Variants in DPP10 observed in about 807,000 individuals in gnomAD.
DPP10 encodes the protein dipeptidyl peptidase like 10.
Under a neutral mutation model 120.9 loss-of-function variants are expected in DPP10, and 33 were observed. The ratio of observed to expected loss-of-function variants is 0.27; its 90% confidence interval spans 0.21 to 0.37. The LOEUF (loss-of-function observed/expected upper bound fraction) is 0.37. Ranked by LOEUF, DPP10 falls within the 10% of genes least tolerant of loss-of-function variation. DPP10 has a pLI of 1.00. For missense variants in DPP10, 816 were observed against 942.8 expected, an observed-to-expected ratio of 0.87 and a Z score of 1.76; for synonymous variants, 337 against 326.1, an observed-to-expected ratio of 1.03 and a Z score of -0.36.
chr2:115,208,935 C>T (rs1033178814), intron 1 of DPP10, among the ~76,000 whole-genome samples: 2 of 152,124 alleles, frequency 1.3e-5, no homozygotes, highest in African/African-American at 2.4e-5. Context: ...TTGGCTCTGA[C>T]GTGCTTACTC....
chr2:115,174,141 A>G (rs2053547132), intron 1 of DPP10, among the ~76,000 whole-genome samples: 1 of 152,190 alleles, frequency 6.6e-6, no homozygotes. Context: ...AATAAGGTTA[A>G]CTATCATGGT....
chr2:114,724,519 T>G (rs949222413), intron 1 of DPP10, among the ~76,000 whole-genome samples: 20 of 152,164 alleles, frequency 1.3e-4, no homozygotes, highest in Non-Finnish European at 1.5e-5. Flanking sequence ...TATTACACAA[T>G]AGACTCATAC....
chr2:115,737,728 C>T (rs991471999), intron 8 of DPP10, among the ~76,000 whole-genome samples: 1 of 152,106 alleles, frequency 6.6e-6, no homozygotes, highest in African/African-American at 2.4e-5. Context: ...TATGTCAATG[C>T]GGCTTGTGTT....
Position 115,522,740 on chromosome 2 carries a change from CAT to C in DPP10, c.367-3157_367-3156del, listed in dbSNP as rs552498646. On this transcript the variant is annotated intron_variant, in intron 4 of 25. Coordinates refer to ENST00000410059, the MANE Select transcript of DPP10 (RefSeq NM_020868.6). ...CATTGCTGAGTAATGGCAATGAACA[CAT>C]GTGGAAATTACTTTTGCATCCTTTC... Among the ~76,000 whole-genome samples the C allele has an allele frequency of 2.1e-3, 323 of 152,162 alleles. 1 individual carries two copies. Among genetic ancestry groups the C allele is most frequent in the African/African-American group, 7.0e-3 (289 of 41,506 alleles).
At chr2:114,714,289 T>C (rs1016212246) in intron 1 of DPP10, among the ~76,000 whole-genome samples, 50 of 152,190 alleles carry the variant, frequency 3.3e-4, no homozygotes, top group African/African-American at 1.1e-3. Context: ...AAAAATAATC[T>C]GCTTCCCAAA....
chr2:114,924,216 C>T (rs771382057), intron 1 of DPP10, among the ~76,000 whole-genome samples: 8 of 152,164 alleles, frequency 5.3e-5, no homozygotes, highest in Admixed American at 2.6e-4. Context: ...TCCTACTATT[C>T]GGTTGAGATC....
chr2:115,296,051 A>C (rs939064627), intron 1 of DPP10, among the ~76,000 whole-genome samples: 1 of 152,076 alleles, frequency 6.6e-6, no homozygotes, highest in South Asian at 2.1e-4. Context: ...AGAAAGCAAA[A>C]TATTTATCTA....
intron 1 of DPP10, among the ~76,000 whole-genome samples, chr2:115,233,442 C>G (rs1559285553): frequency 6.6e-6 from 1 of 152,094 alleles, no homozygotes; most frequent in Non-Finnish European, 1.5e-5. Flanking sequence ...ATTATAAGAC[C>G]TCTTTCTCCC....
intron 21 of DPP10, among the ~76,000 whole-genome samples, chr2:115,835,048 T>G (rs1689321356): frequency 6.6e-6 from 1 of 151,264 alleles, no homozygotes. Flanking sequence ...GGGGCGGAGT[T>G]TGCAGTGAAC....
chr2:115,116,718 C>T (rs939705996), intron 1 of DPP10, among the ~76,000 whole-genome samples: 2 of 152,122 alleles, frequency 1.3e-5, no homozygotes, highest in Non-Finnish European at 2.9e-5. Context: ...TTGTTGTAAA[C>T]TTTAGGTAAA....
intron 1 of DPP10, among the ~76,000 whole-genome samples, chr2:114,991,284 A>T (rs1700741693): frequency 6.6e-6 from 1 of 152,196 alleles, no homozygotes; most frequent in African/African-American, 2.4e-5. Context: ...AGACTCCGTG[A>T]TCATCAAGAG....
chr2:115,741,243 G>T (rs1677228284), intron 9 of DPP10, among the ~76,000 whole-genome samples: 1 of 152,034 alleles, frequency 6.6e-6, no homozygotes, highest in African/African-American at 2.4e-5. Context: ...AGATTATAAA[G>T]AGTATGATTC....
At position 114,779,143 on chromosome 2, in the gene DPP10, C is replaced by A. The variant is rs571820629; in HGVS notation, c.60+336305C>A. Among the ~76,000 whole-genome samples the A allele has an allele frequency of 9.5e-4, 145 of 152,148 alleles. 1 individual carries two copies. Among genetic ancestry groups the A allele is most frequent in the Middle Eastern group, 3.4e-3 (1 of 294 alleles). Reference sequence around the variant, plus strand: ...TTCCTCTGCTGCAGTCAGGCCTTCTCATCAGTGTATACCCCTGTGAAACTT... The same window carrying A: ...TTCCTCTGCTGCAGTCAGGCCTTCTAATCAGTGTATACCCCTGTGAAACTT... On this transcript the variant is annotated intron_variant, in intron 1 of 25. Transcript: ENST00000410059.
At chr2:114,604,214 A>C (rs1692606941) in intron 1 of DPP10, among the ~76,000 whole-genome samples, 1 of 152,038 alleles carries the variant, frequency 6.6e-6, no homozygotes, top group South Asian at 2.1e-4. Context: ...TGGTTTGCAT[A>C]AACAGGCAAG....
At chr2:115,036,947 A>G (rs1436358311) in intron 1 of DPP10, among the ~76,000 whole-genome samples, 1 of 152,144 alleles carries the variant, frequency 6.6e-6, no homozygotes, top group Non-Finnish European at 1.5e-5. Flanking sequence ...GGATCAAACT[A>G]GTGCCAGAGG....
chr2:115,230,094 C>G (rs1007964585), intron 1 of DPP10, among the ~76,000 whole-genome samples: 1 of 151,704 alleles, frequency 6.6e-6, no homozygotes, highest in African/African-American at 2.4e-5. Flanking sequence ...CCTTCAGTTT[C>G]TTTTATCAAT....
intron 1 of DPP10, among the ~76,000 whole-genome samples, chr2:114,453,522 G>C (rs73946153): frequency 0.021 from 3,250 of 152,142 alleles, 110 homozygotes; most frequent in African/African-American, 0.075. Flanking sequence ...TCACAATTAT[G>C]TCTTCTCTGC....
At chr2:114,543,189 T>C (rs1327075558) in intron 1 of DPP10, among the ~76,000 whole-genome samples, 1 of 152,222 alleles carries the variant, frequency 6.6e-6, no homozygotes, top group Non-Finnish European at 1.5e-5. Flanking sequence ...TTGGTATCAT[T>C]ATAATTTTCC....
At chr2:115,767,017 A>G (rs1680844564) in intron 12 of DPP10, among the ~76,000 whole-genome samples, 1 of 152,184 alleles carries the variant, frequency 6.6e-6, no homozygotes, top group Non-Finnish European at 1.5e-5. Flanking sequence ...ATCAGGTGCT[A>G]TGGAAAACTA....
Sources: gnomAD v4.1 joint callset for allele counts (sites outside exome capture counted in the v4.1 genomes callset) on GRCh38, gnomAD v4.1.1 for gene constraint, MANE v1.5 for transcripts, NCBI Gene and HGNC (gene_info 2026-07-23, HGNC 2026-07-21) for gene names.